Variants in DLC1 observed in about 807,000 individuals in gnomAD.
DLC1 encodes rho GTPase-activating protein 7.
A neutral mutation model predicts 140.3 loss-of-function variants in DLC1; 54 were observed. That is an observed-to-expected ratio of 0.38 (90% CI 0.31 to 0.48). DLC1 has a LOEUF of 0.48. Among genes scored for constraint, DLC1 ranks in the 20% least tolerant of loss-of-function variants. The pLI is 0.96. For synonymous variants in DLC1, 986 were observed against 728.1 expected (o/e 1.35, Z -5.70); for missense variants, 2,536 against 1,907.0 (o/e 1.33, Z -6.14).
At chr8:13,268,384 G>A (rs1490587364) in intron 5 of DLC1, among the ~76,000 whole-genome samples, 1 of 151,958 alleles carries the variant, frequency 6.6e-6, no homozygotes, top group East Asian at 1.9e-4. Context: ...GCGCGATCTC[G>A]GCTCACTGCA....
At chr8:13,422,471 C>G (rs1253606041) in intron 2 of DLC1, among the ~76,000 whole-genome samples, 1 of 151,488 alleles carries the variant, frequency 6.6e-6, no homozygotes, top group Non-Finnish European at 1.5e-5. Flanking sequence ...GATTGGCTTC[C>G]TAGGTTTTGA....
At position 13,188,086 on chromosome 8, in the gene DLC1, T is replaced by C. The variant is rs947559933; in HGVS notation, c.1349-72429A>G. On this transcript the variant is annotated intron_variant, in intron 5 of 17. Coordinates refer to ENST00000276297, the MANE Select transcript of DLC1 (RefSeq NM_182643.3). ...GGTCCATACAACAGTGGCAATTTTT[T>C]TTTTTTTTTTTTTTGAGACAGAGTC... Among the ~76,000 whole-genome samples, 738 of 148,982 alleles carry C rather than the reference T, an allele frequency of 5.0e-3. 4 individuals are homozygous for C. Among genetic ancestry groups the C allele is most frequent in the African/African-American group, 0.017 (688 of 40,314 alleles).
At chr8:13,214,831 G>C in intron 5 of DLC1, 1 of 765,748 alleles carries the variant, frequency 1.3e-6, no homozygotes, top group South Asian at 1.4e-5. Flanking sequence ...TTTGAGTGCT[G>C]GTGGCAATCA....
At chr8:13,566,984 G>T (rs1047218482) in intron 1 of DLC1, 90 of 1,538,920 alleles carry the variant, frequency 5.8e-5, no homozygotes, top group Non-Finnish European at 7.9e-5. Flanking sequence ...CGAGCCTGAT[G>T]CATTGTGATG....
intron 2 of DLC1, among the ~76,000 whole-genome samples, chr8:13,409,745 G>A (rs922332361): frequency 5.9e-5 from 9 of 152,120 alleles, no homozygotes; most frequent in Non-Finnish European, 1.2e-4. Flanking sequence ...TGAATAAATA[G>A]TATTTGTCTC....
intron 2 of DLC1, among the ~76,000 whole-genome samples, chr8:13,489,369 C>G (rs1801127286): frequency 8.0e-6 from 1 of 125,444 alleles, no homozygotes; most frequent in Admixed American, 8.5e-5. Context: ...CTAAGAAACT[C>G]TCAGATCTAT....
chr8:13,553,214 ATATATATATATATG>A (rs1369773468), intron 1 of DLC1, among the ~76,000 whole-genome samples: 5,002 of 73,504 alleles, frequency 0.068, 264 homozygotes, highest in Non-Finnish European at 0.094. Context: ...ATATATATAT[ATATATATATATATG>A]TATATATATA....
intron 2 of DLC1, among the ~76,000 whole-genome samples, chr8:13,415,125 T>C: frequency 6.6e-6 from 1 of 152,156 alleles, no homozygotes; most frequent in East Asian, 1.9e-4. Flanking sequence ...GATGTTATTT[T>C]TTTTTAAGTC....
intron 5 of DLC1, among the ~76,000 whole-genome samples, chr8:13,246,558 G>GA (rs1829771416): frequency 6.6e-6 from 1 of 152,060 alleles, no homozygotes; most frequent in African/African-American, 2.4e-5. Context: ...TTGATGCTCA[G>GA]AAAGCATTTG....
chr8:13,360,079 C>A (rs1450336396), intron 4 of DLC1, among the ~76,000 whole-genome samples: 1 of 152,268 alleles, frequency 6.6e-6, no homozygotes, highest in Middle Eastern at 3.4e-3. Context: ...TGCCTATCCC[C>A]ACAGGAGACA....
chr8:13,187,846 CG>C (rs1437169030), intron 5 of DLC1, among the ~76,000 whole-genome samples: 1 of 152,092 alleles, frequency 6.6e-6, no homozygotes, highest in Non-Finnish European at 1.5e-5. Flanking sequence ...AGGGATTCCT[CG>C]GCTCCCCAAC....
intron 5 of DLC1, among the ~76,000 whole-genome samples, chr8:13,117,225 A>C (rs556190154): frequency 6.6e-6 from 1 of 152,342 alleles, no homozygotes; most frequent in African/African-American, 2.4e-5. Context: ...TAATCCCTGC[A>C]TTTGAAAGGC....
At chr8:13,475,257 TA>T (rs1190572041) in intron 2 of DLC1, among the ~76,000 whole-genome samples, 6 of 152,198 alleles carry the variant, frequency 3.9e-5, no homozygotes, top group Non-Finnish European at 7.4e-5. Flanking sequence ...AAACAGCCTT[TA>T]AAAAAAGGTG....
At chr8:13,281,122 G>T (rs946358693) in intron 5 of DLC1, among the ~76,000 whole-genome samples, 1 of 152,200 alleles carries the variant, frequency 6.6e-6, no homozygotes, top group Admixed American at 6.6e-5. Context: ...GGCATCTAGC[G>T]TGTATGTTAT....
At chr8:13,504,557 C>T (rs745493083) in intron 1 of DLC1, among the ~76,000 whole-genome samples, 7 of 152,070 alleles carry the variant, frequency 4.6e-5, no homozygotes, top group Non-Finnish European at 8.8e-5. Flanking sequence ...CAATAGACCA[C>T]GTAAGAAATG....
In DLC1 at chr8:13,099,482, A is replaced by T. The variant is rs749815027; in HGVS notation, c.2855T>A (p.Leu952Gln). 6.2e-7 allele frequency: 1 copy of T among 1,614,110 alleles called. No individual in the cohort carries two copies. Among genetic ancestry groups the T allele is most frequent in the South Asian group, 1.1e-5 (1 of 91,078 alleles). The change falls in exon 9 of 18, where the codon CTG (leucine) becomes CAG (glutamine). Residue 952 changes from leucine (L) to glutamine (Q), a missense_variant. By Grantham distance (113) the Leu-to-Gln change is moderately radical (BLOSUM62 -2). Transcript: ENST00000276297. The part of the protein sequence containing the change: ...PCPSSPKQIH[L>Q]DVDNDRTTPS... The stretch of plus-strand genomic sequence containing the variant: ...TGTGGTTCGGTCGTTGTCCACATCC[A>T]GGTGTATCTGTTTTGGAGAGGACGG...
rs909840596 is a variant in DLC1 at position 13,237,956 on chromosome 8, AAAAG to A, written c.1348+67309_1348+67312del. The stretch of plus-strand genomic sequence containing the variant: ...AGCAAGAGCAAGAAAGAAAGAAAGA[AAAAG>A]AAAGAAAGAAAAGAAGGAAAGAAAC... On this transcript the variant is annotated intron_variant, in intron 5 of 17. Coordinates refer to ENST00000276297, the MANE Select transcript of DLC1 (RefSeq NM_182643.3). 2.8e-4 allele frequency among the ~76,000 whole-genome samples: 43 copies of A among 152,264 alleles called. 1 individual carries two copies. The highest frequency in any genetic ancestry group is 9.9e-4 in the African/African-American group (41 of 41,562).
intron 2 of DLC1, among the ~76,000 whole-genome samples, chr8:13,457,803 G>T (rs1483464611): frequency 1.3e-5 from 2 of 151,846 alleles, no homozygotes; most frequent in African/African-American, 4.8e-5. Context: ...GCCCCACCAA[G>T]GTAGCATCAA....
chr8:13,397,388 G>A (rs1837096981), intron 3 of DLC1, among the ~76,000 whole-genome samples: 2 of 152,238 alleles, frequency 1.3e-5, no homozygotes, highest in South Asian at 2.1e-4. Flanking sequence ...ATGGAGAGCA[G>A]CCAGAAGCCA....
Sources: allele counts gnomAD v4.1 joint callset (sites outside exome capture counted in the v4.1 genomes callset), GRCh38; gene constraint gnomAD v4.1.1; transcripts MANE v1.5; gene names NCBI Gene and HGNC (gene_info 2026-07-23, HGNC 2026-07-21).